The following TMPRSS7 variants were observed in gnomAD, a reference collection of about 807,000 sequenced individuals.
The protein encoded by TMPRSS7 is transmembrane serine protease 7.
In TMPRSS7, 81 loss-of-function variants were observed where a neutral mutation model predicts 95.6. The ratio of observed to expected loss-of-function variants is 0.85; its 90% CI spans 0.71 to 1.02. The LOEUF is 1.02. Among genes scored for constraint, TMPRSS7 ranks in the 50% least tolerant of loss-of-function variants. TMPRSS7 has a pLI of 0.00. For synonymous variants in TMPRSS7, 364 were observed against 337.8 expected (o/e 1.08, Z -0.85); for missense variants, 945 against 955.2 (o/e 0.99, Z 0.14).
chr3:112,056,734 A>G (rs1370887367), intron 9 of TMPRSS7, among the ~76,000 whole-genome samples: 2 of 152,238 alleles, frequency 1.3e-5, no homozygotes, highest in Non-Finnish European at 2.9e-5. Flanking sequence ...AGTGGGTGTT[A>G]TTAAAGTTAA....
At chr3:112,044,911 T>G (rs934435710) in intron 4 of TMPRSS7, among the ~76,000 whole-genome samples, 1 of 152,174 alleles carries the variant, frequency 6.6e-6, no homozygotes, top group African/African-American at 2.4e-5. Context: ...GTTCCTTTCC[T>G]AAAACGTGGC....
In TMPRSS7 at chr3:112,063,223, A is replaced by G. The variant is rs182665353; in HGVS notation, c.1448-302A>G. ...TCCAACTTTCACATTCTTCAGGTAT[A>G]TGACAAAGTCACCCAGCTGAGACTA... is the stretch of plus-strand genomic sequence containing the variant. On this transcript the variant is annotated intron_variant, in intron 11 of 17. Transcript: ENST00000452346. 1.7e-3 allele frequency among the ~76,000 whole-genome samples: 252 copies of G among 151,632 alleles called. 1 individual carries two copies. The highest frequency in any genetic ancestry group is 1.4e-3 in the Non-Finnish European group (97 of 68,028).
At chr3:112,037,300 T>C (rs2073156339) in intron 1 of TMPRSS7, among the ~76,000 whole-genome samples, 1 of 152,192 alleles carries the variant, frequency 6.6e-6, no homozygotes, top group South Asian at 2.1e-4. Context: ...AAGAGACCTC[T>C]AAAATGGCCG....
chr3:112,047,679 T>G, intron 6 of TMPRSS7, 60 bp from the exon 7 acceptor site: 1 of 1,318,038 alleles, frequency 7.6e-7, no homozygotes, highest in Non-Finnish European at 1.1e-6. Flanking sequence ...AGATTTCTGT[T>G]TTTATAAAAG....
At chr3:112,044,727 C>T (rs562786574) in intron 4 of TMPRSS7, among the ~76,000 whole-genome samples, 2 of 152,090 alleles carry the variant, frequency 1.3e-5, no homozygotes, top group Admixed American at 1.3e-4. Context: ...TAGAAAAAAT[C>T]GTGCACCATA....
At chr3:112,065,563 C>G (rs918747354) in intron 12 of TMPRSS7, among the ~76,000 whole-genome samples, 1 of 151,992 alleles carries the variant, frequency 6.6e-6, no homozygotes, top group Non-Finnish European at 1.5e-5. Context: ...AATCATTATT[C>G]CTCATTGTGC....
At chr3:112,080,802 GC>G in intron 17 of TMPRSS7, 111 bp from the exon 18 acceptor site, 1 of 1,061,662 alleles carries the variant, frequency 9.4e-7, no homozygotes, top group Non-Finnish European at 1.3e-6. Context: ...GATTAGCCAA[GC>G]AAAAACATGT....
At chr3:112,059,822 G>T (rs1393042178) in intron 10 of TMPRSS7, among the ~76,000 whole-genome samples, 1 of 152,174 alleles carries the variant, frequency 6.6e-6, no homozygotes, top group Non-Finnish European at 1.5e-5. Flanking sequence ...TAAAATCACA[G>T]GTTATCTGTG....
At position 112,051,668 on chromosome 3, in the gene TMPRSS7, C is replaced by CATCTATCTATCTATCTATCTATCT. The variant is rs5851813; in HGVS notation, c.1203+890_1203+913dup. Among the ~76,000 whole-genome samples the CATCTATCTATCTATCTATCTATCT allele has an allele frequency of 2.5e-3, 314 of 128,040 alleles. 2 individuals are homozygous for CATCTATCTATCTATCTATCTATCT. Among genetic ancestry groups the CATCTATCTATCTATCTATCTATCT allele is most frequent in the Middle Eastern group, 3.7e-3 (1 of 268 alleles). The allele number at this position is 128,040 out of a possible 152,430, so 84.0% of individuals were successfully genotyped here. On this transcript the variant is annotated intron_variant, in intron 9 of 17. Transcript: ENST00000452346. Reference sequence around the variant, plus strand: ...TCTATCTATCTATCTATCTATCTATCATCTATCTATCTATCTATCTATCTA... The same window carrying CATCTATCTATCTATCTATCTATCT: ...TCTATCTATCTATCTATCTATCTATCATCTATCTATCTATCTATCTATCTATCTATCTATCTATCTATCTATCTA...
At chr3:112,041,899 T>C (rs1435901869) in intron 2 of TMPRSS7, 21 bp from the exon 3 acceptor site, 2 of 1,480,008 alleles carry the variant, frequency 1.4e-6, no homozygotes, top group Admixed American at 3.9e-5. Flanking sequence ...CCTCCGAATC[T>C]TGTTCTTTCC....
At position 112,069,582 on chromosome 3, in the gene TMPRSS7, A is replaced by G. The variant is rs372773205; in HGVS notation, c.1666+3080A>G. 1.4e-4 allele frequency among the ~76,000 whole-genome samples: 21 copies of G among 152,190 alleles called. No individual in the cohort carries two copies. In the East Asian group the frequency reaches 3.9e-3, roughly 28 times the overall value. On this transcript the variant is annotated intron_variant, in intron 13 of 17. Transcript: ENST00000452346. ...GGTATATGTGTCCAGGAATTTATCC[A>G]TTTCTTCTAGATTTTCTAGTTTATT... is the stretch of plus-strand genomic sequence containing the variant.
At chr3:112,070,811 G>A (rs188686524) in intron 13 of TMPRSS7, among the ~76,000 whole-genome samples, 25 of 152,232 alleles carry the variant, frequency 1.6e-4, no homozygotes, top group Admixed American at 1.5e-3. Flanking sequence ...AAGTTCTAGG[G>A]TGCGTGTGCA....
At chr3:112,050,531 A>AAAAAAAC (rs2073332567) in intron 8 of TMPRSS7, 140 bp from the exon 9 acceptor site, 1 of 367,048 alleles carries the variant, frequency 2.7e-6, no homozygotes, top group East Asian at 4.3e-5. Context: ...TGAAAAAAAA[A>AAAAAAAC]AAAAAAACCC....
intron 9 of TMPRSS7, among the ~76,000 whole-genome samples, chr3:112,051,539 CT>C (rs2073350117): frequency 6.6e-6 from 1 of 150,764 alleles, no homozygotes; most frequent in Non-Finnish European, 1.5e-5. Context: ...ATCTATCTAT[CT>C]ATCTATCTAT....
intron 9 of TMPRSS7, among the ~76,000 whole-genome samples, chr3:112,051,244 CAAT>C (rs1380677995): frequency 6.6e-6 from 1 of 151,916 alleles, no homozygotes; most frequent in African/African-American, 2.4e-5. Flanking sequence ...CAACAATAAA[CAAT>C]AACACAAATA....
chr3:112,067,959 T>G (rs1009834651), intron 13 of TMPRSS7, among the ~76,000 whole-genome samples: 1 of 152,226 alleles, frequency 6.6e-6, no homozygotes. Context: ...ACTTTATGGT[T>G]TTAGGTCTAA....
intron 13 of TMPRSS7, among the ~76,000 whole-genome samples, chr3:112,073,965 A>G (rs1002319399): frequency 2.0e-5 from 3 of 152,232 alleles, no homozygotes; most frequent in African/African-American, 7.2e-5. Flanking sequence ...GTTTTCTTGG[A>G]GAATAAGAGA....
intron 13 of TMPRSS7, among the ~76,000 whole-genome samples, chr3:112,072,832 T>C (rs1184053433): frequency 6.6e-6 from 1 of 152,270 alleles, no homozygotes; most frequent in Non-Finnish European, 1.5e-5. Context: ...ACATTTGGGT[T>C]GGTTCCAAAT....
intron 13 of TMPRSS7, among the ~76,000 whole-genome samples, chr3:112,071,870 G>T (rs1023055272): frequency 1.3e-5 from 2 of 151,816 alleles, no homozygotes; most frequent in Non-Finnish European, 2.9e-5. Context: ...AAGGTTTTTA[G>T]CTTCCTTGTG....
Sources: gnomAD v4.1 joint callset for allele counts (sites outside exome capture counted in the v4.1 genomes callset) on GRCh38, gnomAD v4.1.1 for gene constraint, MANE v1.5 for transcripts, NCBI Gene and HGNC (gene_info 2026-07-23, HGNC 2026-07-21) for gene names.